The following LRCH1 variants were observed in gnomAD, a reference collection of about 807,000 sequenced individuals.
LRCH1 encodes leucine rich repeats and calponin homology domain containing 1.
A neutral mutation model predicts 94.9 loss-of-function variants in LRCH1; 23 were observed. That is an observed-to-expected ratio of 0.24 (90% CI 0.17 to 0.34). LRCH1 has a LOEUF of 0.34. Among genes scored for constraint, LRCH1 ranks in the 10% least tolerant of loss-of-function variants. LRCH1 has a pLI of 1.00. For synonymous variants in LRCH1, 364 were observed against 354.9 expected (o/e 1.03, Z -0.29); for missense variants, 790 against 945.9 (o/e 0.84, Z 2.16).
At chr13:46,737,292 G>T (rs958773741) in intron 19 of LRCH1, among the ~76,000 whole-genome samples, 3 of 152,084 alleles carry the variant, frequency 2.0e-5, no homozygotes, top group African/African-American at 4.8e-5. Context: ...TTAAGACAGG[G>T]TCTCACTGTG....
chr13:46,704,569 C>A (rs939269746), intron 11 of LRCH1, among the ~76,000 whole-genome samples: 1 of 151,962 alleles, frequency 6.6e-6, no homozygotes, highest in African/African-American at 2.4e-5. Flanking sequence ...AACAAAAAAT[C>A]TTCATCTCTT....
intron 1 of LRCH1, among the ~76,000 whole-genome samples, chr13:46,649,148 T>C (rs2051260002): frequency 6.6e-6 from 1 of 152,240 alleles, no homozygotes; most frequent in Non-Finnish European, 1.5e-5. Context: ...GGTGGCTCTT[T>C]AACATCTATT....
intron 3 of LRCH1, among the ~76,000 whole-genome samples, chr13:46,677,077 G>T (rs1052432133): frequency 4.6e-5 from 7 of 151,956 alleles, no homozygotes; most frequent in African/African-American, 1.7e-4. Context: ...ATCGTGCCCG[G>T]CCTATGTTGG....
chr13:46,629,430 T>C (rs989324226), intron 1 of LRCH1, among the ~76,000 whole-genome samples: 1 of 152,218 alleles, frequency 6.6e-6, no homozygotes, highest in Non-Finnish European at 1.5e-5. Flanking sequence ...TGAATACCTC[T>C]AATTGCATAG....
intron 11 of LRCH1, among the ~76,000 whole-genome samples, chr13:46,704,479 A>G (rs566114299): frequency 1.0e-3 from 154 of 152,222 alleles, no homozygotes; most frequent in Non-Finnish European, 1.7e-3. Context: ...GGCCTCTATA[A>G]TATAAATGCA....
chr13:46,595,855 C>T (rs534074704), intron 1 of LRCH1, among the ~76,000 whole-genome samples: 14 of 136,620 alleles, frequency 1.0e-4, no homozygotes, highest in African/African-American at 3.1e-4. Context: ...ATCCAAAGCA[C>T]GGCCTCACAT....
At chr13:46,573,866 A>ATATATATATATATATTTTTTT in intron 1 of LRCH1, among the ~76,000 whole-genome samples, 18 of 63,392 alleles carry the variant, frequency 2.8e-4, no homozygotes, top group East Asian at 6.6e-4. Context: ...ATATATATAT[A>ATATATATATATATATTTTTTT]TTTTTTTTTT....
intron 16 of LRCH1, chr13:46,717,491 T>A (rs1872381771): frequency 1.3e-5 from 2 of 152,208 alleles, no homozygotes; most frequent in Non-Finnish European, 2.9e-5. Context: ...TTGTCTCTAC[T>A]ATGCCCTGGG....
chr13:46,585,651 T>A (rs1437230960), intron 1 of LRCH1, among the ~76,000 whole-genome samples: 1 of 152,196 alleles, frequency 6.6e-6, no homozygotes, highest in Non-Finnish European at 1.5e-5. Flanking sequence ...GAATATGCTT[T>A]ATGTAAATAT....
intron 1 of LRCH1, among the ~76,000 whole-genome samples, chr13:46,634,186 A>G (rs1362654244): frequency 2.6e-5 from 4 of 151,988 alleles, no homozygotes; most frequent in Non-Finnish European, 5.9e-5. Context: ...CCTTTCCTGC[A>G]TTTCTTTTGA....
intron 3 of LRCH1, among the ~76,000 whole-genome samples, chr13:46,677,815 A>G (rs940222827): frequency 3.3e-5 from 5 of 152,234 alleles, no homozygotes; most frequent in African/African-American, 1.2e-4. Context: ...TTGAGTATTT[A>G]TATTACTATA....
At chr13:46,674,676 T>C (rs987129228) in intron 3 of LRCH1, among the ~76,000 whole-genome samples, 1 of 152,258 alleles carries the variant, frequency 6.6e-6, no homozygotes, top group Non-Finnish European at 1.5e-5. Context: ...ACTGAGCACC[T>C]GCTATATACC....
chr13:46,608,735 T>C (rs908653738), intron 1 of LRCH1, among the ~76,000 whole-genome samples: 4 of 152,224 alleles, frequency 2.6e-5, no homozygotes, highest in Non-Finnish European at 4.4e-5. Context: ...GAGTTAATAA[T>C]GTGCAGTCTT....
downstream of LRCH1, among the ~76,000 whole-genome samples, chr13:46,749,020 C>A (rs2794660): frequency 6.6e-6 from 1 of 151,980 alleles, no homozygotes; most frequent in Non-Finnish European, 1.5e-5. Context: ...CCTGTGTCTC[C>A]GGTAATTTTT....
rs3991577 is a variant in LRCH1 at position 46,606,148 on chromosome 13, A to ATGTGTGTGTG, written c.308-44031_308-44022dup. Among the ~76,000 whole-genome samples the ATGTGTGTGTG allele has an allele frequency of 3.9e-3, 575 of 148,724 alleles. 5 individuals are homozygous for ATGTGTGTGTG. Among genetic ancestry groups the ATGTGTGTGTG allele is most frequent in the African/African-American group, 0.014 (557 of 40,462 alleles). On this transcript the variant is annotated intron_variant, in intron 1 of 19. Coordinates refer to ENST00000389797, the MANE Select transcript of LRCH1 (RefSeq NM_001164211.2). Reference sequence around the variant, plus strand: ...ATGCTCAAACTCTAATTTTAACCTTATGTGTGTGTGTGTGTGTGTGTGTGT... The same window carrying ATGTGTGTGTG: ...ATGCTCAAACTCTAATTTTAACCTTATGTGTGTGTGTGTGTGTGTGTGTGTGTGTGTGTGT...
chr13:46,624,222 A>T (rs1184240504), intron 1 of LRCH1, among the ~76,000 whole-genome samples: 1 of 152,130 alleles, frequency 6.6e-6, no homozygotes. Context: ...GCAAGATTGA[A>T]TTTATATTAG....
intron 1 of LRCH1, among the ~76,000 whole-genome samples, chr13:46,604,981 A>T (rs1490096191): frequency 1.3e-5 from 2 of 152,212 alleles, no homozygotes; most frequent in African/African-American, 4.8e-5. Flanking sequence ...AGTCCATCTG[A>T]TTGATGCCTG....
At chr13:46,737,135 T>G (rs1873423476) in intron 19 of LRCH1, among the ~76,000 whole-genome samples, 1 of 152,228 alleles carries the variant, frequency 6.6e-6, no homozygotes, top group South Asian at 2.1e-4. Context: ...CTTCTGCAGC[T>G]GGAACCACTG....
intron 9 of LRCH1, among the ~76,000 whole-genome samples, chr13:46,696,600 A>T (rs187333838): frequency 1.4e-3 from 220 of 152,324 alleles, no homozygotes; most frequent in African/African-American, 5.1e-3. Context: ...TGGAAACTAG[A>T]GGAGCAGATA....
Sources: gnomAD v4.1 joint callset for allele counts (sites outside exome capture counted in the v4.1 genomes callset) on GRCh38, gnomAD v4.1.1 for gene constraint, MANE v1.5 for transcripts, NCBI Gene and HGNC (gene_info 2026-07-23, HGNC 2026-07-21) for gene names.